Variants in VWA7 observed in about 807,000 individuals in gnomAD.
The protein encoded by VWA7 is von Willebrand factor A domain-containing protein 7.
In VWA7, 66 loss-of-function variants were observed where a neutral mutation model predicts 83.1. The observed-to-expected ratio is 0.79, with a 90% CI of 0.65 to 0.98. The LOEUF is 0.98. Among genes scored for constraint, VWA7 ranks in the 50% least tolerant of loss-of-function variants. The probability of loss-of-function intolerance (pLI) is 0.00; values close to 1 mark genes in which losing one functional copy is unlikely to be tolerated. For missense variants in VWA7, 1,080 were observed against 1,160.2 expected, an observed-to-expected ratio of 0.93 and a Z score of 1.00; for synonymous variants, 424 against 488.5, an observed-to-expected ratio of 0.87 and a Z score of 1.74.
In VWA7 at chr6:31,776,421, G is replaced by A. The variant is rs1812694195; in HGVS notation, c.234+125C>T. 17 of 1,220,606 alleles carry A rather than the reference G, an allele frequency of 1.4e-5. No homozygotes were observed. The highest frequency in any genetic ancestry group is 1.8e-5 in the Non-Finnish European group (16 of 890,494). The allele number at this position is 1,220,606 out of a possible 1,614,324, so 75.6% of individuals were successfully genotyped here. The stretch of plus-strand genomic sequence containing the variant: ...CTAATTTCAGGACCAAGACTACTGG[G>A]TATTATTGCTGCAGGGGTGGGGCCA... On this transcript the variant is annotated intron_variant, in intron 2 of 16. Coordinates refer to ENST00000375688, the MANE Select transcript of VWA7 (RefSeq NM_025258.3). This position sits in a 1 kb window ranked among gnomAD's most constrained non-coding sequence, Gnocchi z 6.2.
In VWA7 at chr6:31,766,379, A is replaced by G. The variant is rs1231194307; in HGVS notation, c.2190T>C (p.Ser730=). 6.3e-7 allele frequency: 1 copy of G among 1,597,458 alleles called. No individual in the cohort carries two copies. The highest frequency in any genetic ancestry group is 8.5e-7 in the Non-Finnish European group (1 of 1,172,902). The change falls in exon 15 of 17, where the codon AGT becomes AGC. Residue 730 remains serine, a synonymous_variant. Transcript: ENST00000375688. The surrounding 1 kb of genome is among the most constrained non-coding windows in gnomAD (Gnocchi z 4.9). ...STVVPVLLEL[S]GPSGFLAPGS... Reference sequence around the variant, plus strand: ...CCGGGGCCAAGAAACCCGAGGGGCCACTAAGCTGCAGAGAAGGGTTCTTCA... The same window carrying G: ...CCGGGGCCAAGAAACCCGAGGGGCCGCTAAGCTGCAGAGAAGGGTTCTTCA...
In VWA7 at chr6:31,766,368, C is replaced by T. The variant is rs1449982736; in HGVS notation, c.2201G>A (p.Gly734Asp). Reference sequence around the variant, plus strand: ...GACTTTGCTGCCCGGGGCCAAGAAACCCGAGGGGCCACTAAGCTGCAGAGA... The same window carrying T: ...GACTTTGCTGCCCGGGGCCAAGAAATCCGAGGGGCCACTAAGCTGCAGAGA... ...PVLLELSGPSGFLAPGSKVPL... is the reference protein window; with the variant it reads ...PVLLELSGPSDFLAPGSKVPL... The change falls in exon 15 of 17, where the codon GGT (glycine) becomes GAT (aspartate). Residue 734 changes from glycine (G) to aspartate (D), a missense_variant. Gly to Asp is a moderately conservative substitution (Grantham distance 94, BLOSUM62 -1). Coordinates refer to ENST00000375688, the MANE Select transcript of VWA7 (RefSeq NM_025258.3). The surrounding 1 kb of genome is among the most constrained non-coding windows in gnomAD (Gnocchi z 4.9). The T allele has an allele frequency of 1.2e-6, 2 of 1,601,522 alleles. No homozygotes were observed. Among genetic ancestry groups the T allele is most frequent in the Non-Finnish European group, 1.7e-6 (2 of 1,175,142 alleles).
Position 31,766,427 on chromosome 6 carries a change from C to A in VWA7, c.2184+36G>T. The A allele has an allele frequency of 6.3e-7, 1 of 1,576,008 alleles. No homozygotes were observed. On this transcript the variant is annotated intron_variant, in intron 14 of 16. Coordinates refer to ENST00000375688, the MANE Select transcript of VWA7 (RefSeq NM_025258.3). This position sits in a 1 kb window ranked among gnomAD's most constrained non-coding sequence, Gnocchi z 4.9. Reference sequence around the variant, plus strand: ...TCAGGGAAGGGGCCGCTCTAACTCTCTCCAGCCCCAGCCGCACTTTCCCCT... The same window carrying A: ...TCAGGGAAGGGGCCGCTCTAACTCTATCCAGCCCCAGCCGCACTTTCCCCT...
At position 31,765,765 on chromosome 6, in the gene VWA7, C is replaced by T. The variant is rs866463758; in HGVS notation, c.2505G>A (p.Arg835=). The T allele has an allele frequency of 1.9e-6, 3 of 1,584,694 alleles. No individual in the cohort carries two copies. The highest frequency in any genetic ancestry group is 2.2e-5 in the East Asian group (1 of 44,540). Residue 835 remains arginine (R), a synonymous_variant, in exon 17 of 17, where the codon CGG becomes CGA. Transcript: ENST00000375688. The part of the protein sequence containing the change: ...LLVSAPAPQD[R]HTTPTGSSDP... ...CAGATGAGCCGGTAGGGGTGGTGTG[C>T]CGGTCCTGTGGGGAAAAGGAAGAGA...
rs546788901 is a variant in VWA7 at position 31,774,512 on chromosome 6, G to C, written c.721+4C>G. 1.2e-6 allele frequency: 2 copies of C among 1,612,358 alleles called. No homozygotes were observed. The highest frequency in any genetic ancestry group is 1.7e-6 in the Non-Finnish European group (2 of 1,179,688). ...TACTTCTGGGGAACTTTCTTGTCTG[G>C]TACCTGGAGGTTTCGGGGGATGAGT... On this transcript the variant is annotated splice_donor_region_variant and intron_variant, in intron 5 of 16. Coordinates refer to ENST00000375688, the MANE Select transcript of VWA7 (RefSeq NM_025258.3).
At position 31,775,041 on chromosome 6, in the gene VWA7, C is replaced by T. The variant is rs755682516; in HGVS notation, c.610+292G>A. ...TGAGTTGTGGACAGGAGGCAGCTTC[C>T]AGGTGAGAGGGTGAGGGGGCTGTGA... On this transcript the variant is annotated intron_variant, in intron 4 of 16. Coordinates refer to ENST00000375688, the MANE Select transcript of VWA7 (RefSeq NM_025258.3). The surrounding 1 kb of genome is among the most constrained non-coding windows in gnomAD (Gnocchi z 5.9). Among the ~76,000 whole-genome samples, 1 of 152,042 alleles carries T rather than the reference C, an allele frequency of 6.6e-6. No individual in the cohort carries two copies. Among genetic ancestry groups the T allele is most frequent in the Non-Finnish European group, 1.5e-5 (1 of 67,992 alleles).
chr6:31,767,093 ATATATTT>A lies in VWA7; in HGVS notation c.1882+58_1882+64del, dbSNP rs1811674727. 5 of 352,334 alleles carry A rather than the reference ATATATTT, an allele frequency of 1.4e-5. 1 individual carries two copies. In the South Asian group the frequency reaches 4.1e-4, roughly 29 times the overall value. 21.8% of individuals were successfully genotyped at this position (352,334 alleles called of 1,614,324 possible). A position where few individuals can be genotyped will look rare whatever the true frequency, so the allele number is the denominator to read the frequency against. ...ATATATAATATATATATTATATATT[ATATATTT>A]TATATATATATATAAAACTGGGGGT... On this transcript the variant is annotated intron_variant, in intron 13 of 16. Coordinates refer to ENST00000375688, the MANE Select transcript of VWA7 (RefSeq NM_025258.3).
chr6:31,773,097 C>A lies in VWA7; in HGVS notation c.944G>T (p.Ser315Ile), dbSNP rs755000970. The A allele has an allele frequency of 3.7e-6, 6 of 1,611,844 alleles. No homozygotes were observed. The Admixed American group carries it at 1.0e-4, about 27-fold the overall frequency. Residue 315 changes from serine to isoleucine, a missense_variant, in exon 7 of 17, where the codon AGC (serine) becomes ATC (isoleucine). Physicochemically the swap from Ser to Ile is moderately radical, Grantham distance 142. Transcript: ENST00000375688. The surrounding 1 kb of genome is among the most constrained non-coding windows in gnomAD (Gnocchi z 5.3). ...SRLLDITPAS[S>I]LSFVLDTTGS... ...CGTGGTGTCCAGGACAAAGCTCAGG[C>A]TGGAGGCTGGGGTGATGTCCAGCAG...
At position 31,776,053 on chromosome 6, in the gene VWA7, C is replaced by T; in HGVS notation, c.424G>A (p.Gly142Arg). The T allele has an allele frequency of 6.2e-7, 1 of 1,613,794 alleles. No individual in the cohort carries two copies. Among genetic ancestry groups the T allele is most frequent in the Middle Eastern group, 1.7e-4 (1 of 6,058 alleles). Reference protein sequence around the residue: ...RLGQGRARLVGALRETVVAAR... With the variant: ...RLGQGRARLVRALRETVVAAR... ...GCCACCACGGTCTCCCGCAGAGCCC[C>T]TACCAGGCGCGCGCGTCCCTGACCC... The change falls in exon 3 of 17, where the codon GGG (glycine) becomes AGG (arginine). Residue 142 changes from glycine (G) to arginine (R), a missense_variant. Coordinates refer to ENST00000375688, the MANE Select transcript of VWA7 (RefSeq NM_025258.3). This position sits in a 1 kb window ranked among gnomAD's most constrained non-coding sequence, Gnocchi z 6.2.
At chr6:31,774,697 C>A in intron 4 of VWA7, 71 bp from the exon 5 acceptor site, 2 of 1,303,142 alleles carry the variant, frequency 1.5e-6, no homozygotes, top group Non-Finnish European at 2.1e-6. Context: ...CCACCCAAAC[C>A]TTTTCAGCTT....
Position 31,766,440 on chromosome 6 carries a change from C to T in VWA7, c.2184+23G>A, listed in dbSNP as rs535974591. 2 of 1,577,044 alleles carry T rather than the reference C, an allele frequency of 1.3e-6. No homozygotes were observed. The highest frequency in any genetic ancestry group is 1.1e-5 in the South Asian group (1 of 87,040). ...CGCTCTAACTCTCTCCAGCCCCAGC[C>T]GCACTTTCCCCTGGCGTCTCACCTC... On this transcript the variant is annotated intron_variant, in intron 14 of 16. Coordinates refer to ENST00000375688, the MANE Select transcript of VWA7 (RefSeq NM_025258.3). This position sits in a 1 kb window ranked among gnomAD's most constrained non-coding sequence, Gnocchi z 4.9.
In VWA7 at chr6:31,773,286, G is replaced by T; in HGVS notation, c.873C>A (p.Ala291=). The part of the protein sequence containing the change: ...AKLALLASIQ[A]FSLLRSRLGD... ...CCAGGCGGCTTCGCAGAAGGCTGAA[G>T]GCCTGGATGGAGGCTAGAAGGGCCA... is the stretch of plus-strand genomic sequence containing the variant. The change falls in exon 6 of 17, where the codon GCC becomes GCA. Residue 291 remains alanine (A), a synonymous_variant. Coordinates refer to ENST00000375688, the MANE Select transcript of VWA7 (RefSeq NM_025258.3). This position sits in a 1 kb window ranked among gnomAD's most constrained non-coding sequence, Gnocchi z 5.3. 1 of 1,608,478 alleles carries T rather than the reference G, an allele frequency of 6.2e-7. No individual in the cohort carries two copies. The highest frequency in any genetic ancestry group is 1.7e-5 in the Admixed American group (1 of 58,842).
intron 10 of VWA7, 76 bp downstream of exon 10, chr6:31,768,942 C>T: frequency 7.0e-7 from 1 of 1,426,258 alleles, no homozygotes; most frequent in Non-Finnish European, 9.3e-7. Context: ...AGAGTGATTC[C>T]CCTTTCTCCT....
In VWA7 at chr6:31,766,117, C is replaced by G; in HGVS notation, c.2325-60G>C. 5.6e-6 allele frequency: 9 copies of G among 1,601,278 alleles called. No homozygotes were observed. The highest frequency in any genetic ancestry group is 7.7e-6 in the Non-Finnish European group (9 of 1,172,628). Reference sequence around the variant, plus strand: ...GGCTGCCCAGAGCCTAGAGTCGGGACGCCTGCAGGGGCACGGGAGCGGAGA... The same window carrying G: ...GGCTGCCCAGAGCCTAGAGTCGGGAGGCCTGCAGGGGCACGGGAGCGGAGA... On this transcript the variant is annotated intron_variant, in intron 15 of 16. Coordinates refer to ENST00000375688, the MANE Select transcript of VWA7 (RefSeq NM_025258.3). This position sits in a 1 kb window ranked among gnomAD's most constrained non-coding sequence, Gnocchi z 4.9.
Position 31,774,507 on chromosome 6 carries a change from G to T in VWA7, c.721+9C>A. The T allele has an allele frequency of 6.2e-7, 1 of 1,611,930 alleles. No individual in the cohort carries two copies. Among genetic ancestry groups the T allele is most frequent in the Non-Finnish European group, 8.5e-7 (1 of 1,179,306 alleles). ...CCCCTTACTTCTGGGGAACTTTCTT[G>T]TCTGGTACCTGGAGGTTTCGGGGGA... is the stretch of plus-strand genomic sequence containing the variant. On this transcript the variant is annotated intron_variant, in intron 5 of 16. Transcript: ENST00000375688.
Position 31,776,261 on chromosome 6 carries a change from G to C in VWA7, c.235-19C>G. ...TTCGACCCTGGGGAGAATAGCGGGC[G>C]ACGGGGCTCCAGGGAGGCCCTTTGG... On this transcript the variant is annotated intron_variant, in intron 2 of 16. Transcript: ENST00000375688. This position sits in a 1 kb window ranked among gnomAD's most constrained non-coding sequence, Gnocchi z 6.2. The C allele has an allele frequency of 6.2e-7, 1 of 1,604,510 alleles. No homozygotes were observed. The highest frequency in any genetic ancestry group is 2.2e-5 in the East Asian group (1 of 44,734).
In VWA7 at chr6:31,776,382, A is replaced by G; in HGVS notation, c.235-140T>C. On this transcript the variant is annotated intron_variant, in intron 2 of 16. Coordinates refer to ENST00000375688, the MANE Select transcript of VWA7 (RefSeq NM_025258.3). The surrounding 1 kb of genome is among the most constrained non-coding windows in gnomAD (Gnocchi z 6.2). ...AGGAGGGACAGTCCCGGACCTTTCT[A>G]AGGAGGGGGACTCCTAATTTCAGGA... 7.6e-7 allele frequency: 1 copy of G among 1,317,508 alleles called. No individual in the cohort carries two copies. Among genetic ancestry groups the G allele is most frequent in the Non-Finnish European group, 1.0e-6 (1 of 976,176 alleles). The allele number at this position is 1,317,508 out of a possible 1,614,324, so 81.6% of individuals were successfully genotyped here. A position where few individuals can be genotyped will look rare whatever the true frequency, so the allele number is the denominator to read the frequency against.
Position 31,776,152 on chromosome 6 carries a change from G to A in VWA7, c.325C>T (p.Arg109Cys), listed in dbSNP as rs753200174. 9.1e-5 allele frequency: 147 copies of A among 1,613,898 alleles called. No homozygotes were observed. Among genetic ancestry groups the A allele is most frequent in the Non-Finnish European group, 1.2e-4 (143 of 1,180,026 alleles). The change falls in exon 3 of 17, where the codon CGT becomes TGT. Residue 109 changes from arginine to cysteine, a missense_variant. Transcript: ENST00000375688. The surrounding 1 kb of genome is among the most constrained non-coding windows in gnomAD (Gnocchi z 6.2). ...RFRAALGEVSRANAAQDFLPT... is the reference protein window; with the variant it reads ...RFRAALGEVSCANAAQDFLPT... ...AGGAAGTCCTGGGCTGCATTGGCAC[G>A]AGACACCTCACCTAAGGCTGCTCGG... is the stretch of plus-strand genomic sequence containing the variant.
Position 31,775,577 on chromosome 6 carries a change from C to T in VWA7, c.514-148G>A. The T allele has an allele frequency of 1.5e-6, 1 of 679,092 alleles. No individual in the cohort carries two copies. The highest frequency in any genetic ancestry group is 2.5e-6 in the Non-Finnish European group (1 of 402,138). The allele number at this position is 679,092 out of a possible 1,614,324, so 42.1% of individuals were successfully genotyped here. A position where few individuals can be genotyped will look rare whatever the true frequency, so the allele number is the denominator to read the frequency against. On this transcript the variant is annotated intron_variant, in intron 3 of 16. Coordinates refer to ENST00000375688, the MANE Select transcript of VWA7 (RefSeq NM_025258.3). The surrounding 1 kb of genome is among the most constrained non-coding windows in gnomAD (Gnocchi z 5.9). ...CCCACCAGACACCCCAAGTCCCCTCCACTGCCCTCTCTCCATTGCTCAGAG... is the reference window on the plus strand; with the variant it reads ...CCCACCAGACACCCCAAGTCCCCTCTACTGCCCTCTCTCCATTGCTCAGAG...
Sources: gnomAD v4.1 joint callset for allele counts (sites outside exome capture counted in the v4.1 genomes callset) on GRCh38, gnomAD v4.1.1 for gene constraint, Gnocchi (gnomAD v3.1) non-coding constraint, MANE v1.5 for transcripts, NCBI Gene and HGNC (gene_info 2026-07-23, HGNC 2026-07-21) for gene names.